The following HTR1E variants were observed in gnomAD, a reference collection of about 807,000 sequenced individuals.
HTR1E encodes the protein 5-HT-1E.
HTR1E carries 3 observed loss-of-function variants against 3.4 expected under a neutral mutation model. The ratio of observed to expected loss-of-function variants is 0.89; its 90% CI spans 0.41 to 2.31. HTR1E has a LOEUF of 2.31. Ranked by LOEUF, HTR1E falls within the 30% of genes most tolerant of loss-of-function variation. HTR1E has a pLI of 0.05. For synonymous variants in HTR1E, 170 were observed against 182.8 expected, an observed-to-expected ratio of 0.93 and a Z score of 0.56; for missense variants, 392 against 467.0, an observed-to-expected ratio of 0.84 and a Z score of 1.48.
At chr6:86,967,983 CT>C (rs1767497432) in intron 1 of HTR1E, among the ~76,000 whole-genome samples, 1 of 152,080 alleles carries the variant, frequency 6.6e-6, no homozygotes, top group South Asian at 2.1e-4. Flanking sequence ...ATCAGTTTCC[CT>C]CCCTGAAAGC....
At chr6:86,957,832 G>A (rs535048573) in intron 1 of HTR1E, among the ~76,000 whole-genome samples, 5 of 152,286 alleles carry the variant, frequency 3.3e-5, no homozygotes, top group South Asian at 4.1e-4. Context: ...TCATGTGCAT[G>A]GAAATGCATG....
At chr6:87,012,613 T>G in intron 1 of HTR1E, among the ~76,000 whole-genome samples, 1 of 152,238 alleles carries the variant, frequency 6.6e-6, no homozygotes, top group East Asian at 1.9e-4. Flanking sequence ...TAGGCTTTTA[T>G]TACACATCAG....
At chr6:87,009,465 CCA>C (rs933957936) in intron 1 of HTR1E, among the ~76,000 whole-genome samples, 1 of 151,940 alleles carries the variant, frequency 6.6e-6, no homozygotes, top group Non-Finnish European at 1.5e-5. Flanking sequence ...CTACTTCTCT[CCA>C]CACAGACACG....
chr6:86,952,759 CTT>C, intron 1 of HTR1E, among the ~76,000 whole-genome samples: 1 of 152,130 alleles, frequency 6.6e-6, no homozygotes, highest in East Asian at 1.9e-4. Flanking sequence ...ATAGCTTTCT[CTT>C]TTTATTCTGC....
chr6:87,010,816 GC>G (rs1334707156), intron 1 of HTR1E, among the ~76,000 whole-genome samples: 3 of 151,782 alleles, frequency 2.0e-5, no homozygotes, highest in African/African-American at 7.3e-5. Flanking sequence ...TTGCCCTCGG[GC>G]CCCGCGGGGC....
intron 1 of HTR1E, among the ~76,000 whole-genome samples, chr6:86,943,747 A>C (rs555260331): frequency 6.6e-6 from 1 of 152,338 alleles, no homozygotes; most frequent in South Asian, 2.1e-4. Context: ...TGGGGCTCAC[A>C]TAACAGTACT....
intron 1 of HTR1E, among the ~76,000 whole-genome samples, chr6:86,940,338 C>G (rs1000594437): frequency 1.3e-5 from 2 of 152,018 alleles, no homozygotes; most frequent in African/African-American, 4.8e-5. Flanking sequence ...GAGTTCGAGA[C>G]CAGCCTGAGC....
chr6:86,939,778 T>G (rs2127814448), intron 1 of HTR1E, among the ~76,000 whole-genome samples: 2 of 152,358 alleles, frequency 1.3e-5, no homozygotes, highest in Middle Eastern at 6.8e-3. Flanking sequence ...TCTGCCATAA[T>G]GACTTCATTC....
chr6:86,968,604 T>C (rs1767507031), intron 1 of HTR1E, among the ~76,000 whole-genome samples: 1 of 152,242 alleles, frequency 6.6e-6, no homozygotes, highest in Non-Finnish European at 1.5e-5. Context: ...AAAACATTAG[T>C]GGTTCCTTTT....
At chr6:87,000,852 A>AC (rs780709009) in intron 1 of HTR1E, among the ~76,000 whole-genome samples, 7 of 152,158 alleles carry the variant, frequency 4.6e-5, no homozygotes, top group Non-Finnish European at 7.3e-5. Flanking sequence ...CAATATTATA[A>AC]CCCTATAATT....
chr6:86,964,176 G>A (rs899002172), intron 1 of HTR1E, among the ~76,000 whole-genome samples: 3 of 152,096 alleles, frequency 2.0e-5, no homozygotes, highest in South Asian at 4.1e-4. Context: ...TCATGTGACC[G>A]TGAAGAAAGC....
At chr6:87,002,396 T>C (rs537690655) in intron 1 of HTR1E, among the ~76,000 whole-genome samples, 1 of 152,318 alleles carries the variant, frequency 6.6e-6, no homozygotes, top group East Asian at 1.9e-4. Context: ...GAACAAAGTG[T>C]CCACAGTATG....
chr6:86,995,688 G>GAAAAAAAAAAA (rs58476122), intron 1 of HTR1E, among the ~76,000 whole-genome samples: 3 of 55,206 alleles, frequency 5.4e-5, no homozygotes, highest in South Asian at 9.3e-4. Flanking sequence ...AAAAAAAAAA[G>GAAAAAAAAAAA]AAAAAAAAAA....
chr6:87,013,357 T>C (rs752604213), intron 1 of HTR1E, among the ~76,000 whole-genome samples: 5 of 152,212 alleles, frequency 3.3e-5, no homozygotes, highest in Non-Finnish European at 7.3e-5. Context: ...GTAATTTTTA[T>C]GAAAAACAAT....
At chr6:87,000,910 T>A (rs1160119614) in intron 1 of HTR1E, among the ~76,000 whole-genome samples, 2 of 152,164 alleles carry the variant, frequency 1.3e-5, no homozygotes, top group Admixed American at 1.3e-4. Flanking sequence ...TAAGAGATAA[T>A]CTATCAGAAA....
At chr6:86,997,060 C>T (rs896478017) in intron 1 of HTR1E, among the ~76,000 whole-genome samples, 1 of 151,822 alleles carries the variant, frequency 6.6e-6, no homozygotes, top group African/African-American at 2.4e-5. Context: ...GCTGTATAAT[C>T]CACCAGATTA....
chr6:87,011,904 C>G (rs1291711773), intron 1 of HTR1E, among the ~76,000 whole-genome samples: 1 of 152,142 alleles, frequency 6.6e-6, no homozygotes, highest in Admixed American at 6.5e-5. Context: ...CTCCAATGGT[C>G]TACATACCTT....
intron 1 of HTR1E, among the ~76,000 whole-genome samples, chr6:86,965,488 T>C (rs994600591): frequency 2.0e-5 from 3 of 152,174 alleles, no homozygotes; most frequent in Admixed American, 2.0e-4. Context: ...TAAATTCTGA[T>C]TTAATCGTTC....
At position 87,016,571 on chromosome 6, in the gene HTR1E, T is replaced by G; in HGVS notation, c.*139T>G. The stretch of plus-strand genomic sequence containing the variant: ...GTGTGGTCTTGTTTCCTTGTTTGTT[T>G]GTTTGTTTTGTTCTGTTTTGTTTGA... On this transcript the variant is annotated 3_prime_UTR_variant, in exon 2 of 2. Coordinates refer to ENST00000305344, the MANE Select transcript of HTR1E (RefSeq NM_000865.3). 1 of 701,492 alleles carries G rather than the reference T, an allele frequency of 1.4e-6. No individual in the cohort carries two copies. Among genetic ancestry groups the G allele is most frequent in the Non-Finnish European group, 2.3e-6 (1 of 440,040 alleles). The allele number at this position is 701,492 out of a possible 1,614,324, so 43.5% of individuals were successfully genotyped here.
Sources: gnomAD v4.1 joint callset for allele counts (sites outside exome capture counted in the v4.1 genomes callset) on GRCh38, gnomAD v4.1.1 for gene constraint, MANE v1.5 for transcripts, NCBI Gene and HGNC (gene_info 2026-07-23, HGNC 2026-07-21) for gene names.